The following WWOX variants were observed in gnomAD, a reference collection of about 807,000 sequenced individuals.
The protein encoded by WWOX is WW domain containing oxidoreductase.
A neutral mutation model predicts 46.2 loss-of-function variants in WWOX; 69 were observed. The ratio of observed to expected loss-of-function variants is 1.49; its 90% CI spans 1.23 to 1.82. The LOEUF is 1.82. WWOX is among the 40% of genes most tolerant of loss of function. The pLI is 0.00. For synonymous variants in WWOX, 359 were observed against 202.6 expected (o/e 1.77, Z -6.56); for missense variants, 919 against 542.6 (o/e 1.69, Z -6.89).
intron 5 of WWOX, among the ~76,000 whole-genome samples, chr16:78,233,978 C>G (rs901082568): frequency 6.6e-6 from 1 of 152,188 alleles, no homozygotes; most frequent in Non-Finnish European, 1.5e-5. Flanking sequence ...GTAACCTGCT[C>G]TCTTCCATTC....
At chr16:78,842,926 A>C (rs2052199627) in intron 8 of WWOX, among the ~76,000 whole-genome samples, 2 of 150,014 alleles carry the variant, frequency 1.3e-5, no homozygotes, top group Admixed American at 6.7e-5. Context: ...AAAAGAAAGA[A>C]ATATGGAAAG....
intron 8 of WWOX, among the ~76,000 whole-genome samples, chr16:78,541,906 A>G (rs1330081894): frequency 1.3e-5 from 2 of 151,346 alleles, no homozygotes; most frequent in African/African-American, 4.9e-5. Flanking sequence ...AAAAAATAAA[A>G]GTTAAATTTG....
intron 8 of WWOX, among the ~76,000 whole-genome samples, chr16:78,499,852 C>T (rs1025442207): frequency 2.0e-5 from 3 of 152,152 alleles, no homozygotes; most frequent in African/African-American, 7.2e-5. Context: ...GAATTTCATG[C>T]CATGGACCCC....
At chr16:78,483,630 C>T (rs2084552583) in intron 8 of WWOX, among the ~76,000 whole-genome samples, 1 of 152,080 alleles carries the variant, frequency 6.6e-6, no homozygotes, top group African/African-American at 2.4e-5. Flanking sequence ...ATACTGTGGG[C>T]TGCATCGCTT....
chr16:78,291,487 G>A (rs994515569), intron 5 of WWOX, among the ~76,000 whole-genome samples: 1 of 152,160 alleles, frequency 6.6e-6, no homozygotes, highest in East Asian at 1.9e-4. Context: ...GCTGGCTGGC[G>A]GCTGCCATTC....
intron 6 of WWOX, among the ~76,000 whole-genome samples, chr16:78,424,498 A>C (rs1462614859): frequency 6.6e-6 from 1 of 152,184 alleles, no homozygotes; most frequent in Non-Finnish European, 1.5e-5. Flanking sequence ...TTTACAGACA[A>C]AGTGAGACTT....
chr16:78,553,936 G>A (rs1281450026), intron 8 of WWOX, among the ~76,000 whole-genome samples: 8 of 152,206 alleles, frequency 5.3e-5, no homozygotes, highest in Non-Finnish European at 1.0e-4. Flanking sequence ...GAAAAGTGTA[G>A]AAAGGTCGGG....
chr16:78,626,038 C>G (rs1200628965), intron 8 of WWOX, among the ~76,000 whole-genome samples: 1 of 151,498 alleles, frequency 6.6e-6, no homozygotes, highest in Non-Finnish European at 1.5e-5. Flanking sequence ...AACTAAAGTC[C>G]ATCGTTTATC....
intron 5 of WWOX, among the ~76,000 whole-genome samples, chr16:78,380,720 A>G (rs2081936909): frequency 6.6e-6 from 1 of 152,156 alleles, no homozygotes; most frequent in African/African-American, 2.4e-5. Context: ...ACTTCCCGAT[A>G]GGGCAGGTGC....
intron 8 of WWOX, among the ~76,000 whole-genome samples, chr16:78,478,788 C>T (rs1279513774): frequency 1.3e-5 from 2 of 152,176 alleles, no homozygotes; most frequent in Non-Finnish European, 2.9e-5. Context: ...ACAGCTGGTT[C>T]TGGTGGTGAG....
At chr16:78,985,689 A>C (rs946517967) in intron 8 of WWOX, among the ~76,000 whole-genome samples, 7 of 152,204 alleles carry the variant, frequency 4.6e-5, no homozygotes, top group African/African-American at 1.7e-4. Flanking sequence ...GAATTGCTTG[A>C]ATCCAAGAGA....
chr16:78,734,021 C>A (rs1301181224), intron 8 of WWOX, among the ~76,000 whole-genome samples: 1 of 151,860 alleles, frequency 6.6e-6, no homozygotes, highest in Non-Finnish European at 1.5e-5. Flanking sequence ...GATCATGCCA[C>A]TGCACTGTAG....
chr16:78,327,747 T>C (rs2080660278), intron 5 of WWOX, among the ~76,000 whole-genome samples: 1 of 152,106 alleles, frequency 6.6e-6, no homozygotes, highest in Non-Finnish European at 1.5e-5. Context: ...CCCCCGACCA[T>C]GGCTATATTA....
rs193102908 is a variant in WWOX at position 78,643,111 on chromosome 16, C to T, written c.1056+210359C>T. On this transcript the variant is annotated intron_variant, in intron 8 of 8. Coordinates refer to ENST00000566780, the MANE Select transcript of WWOX (RefSeq NM_016373.4). ...AGGTGCTCTCCATTGTTTACCTGAA[C>T]AGGCAGAAAAGCTCTATGCAGCTAT... 9.9e-5 allele frequency among the ~76,000 whole-genome samples: 15 copies of T among 152,264 alleles called. 1 individual carries two copies. Among genetic ancestry groups the T allele is most frequent in the Admixed American group, 9.2e-4 (14 of 15,294 alleles).
intron 8 of WWOX, among the ~76,000 whole-genome samples, chr16:78,646,186 G>C (rs918807325): frequency 4.6e-5 from 7 of 152,116 alleles, no homozygotes; most frequent in African/African-American, 1.4e-4. Context: ...TTTTGATTTT[G>C]ATTTGGTTGT....
chr16:79,162,347 G>T (rs1010411042), intron 8 of WWOX, among the ~76,000 whole-genome samples: 1 of 152,130 alleles, frequency 6.6e-6, no homozygotes, highest in Non-Finnish European at 1.5e-5. Context: ...TTGGAGTTAA[G>T]GCCACGCAGA....
At chr16:78,981,998 G>C (rs1221419261) in intron 8 of WWOX, among the ~76,000 whole-genome samples, 1 of 152,164 alleles carries the variant, frequency 6.6e-6, no homozygotes, top group Non-Finnish European at 1.5e-5. Context: ...TTGACTGGCA[G>C]AATCTCAGTT....
At chr16:78,492,499 A>G (rs891201283) in intron 8 of WWOX, among the ~76,000 whole-genome samples, 1 of 152,048 alleles carries the variant, frequency 6.6e-6, no homozygotes, top group Non-Finnish European at 1.5e-5. Context: ...CGTACAGAAC[A>G]CTCATTCATC....
intron 5 of WWOX, among the ~76,000 whole-genome samples, chr16:78,318,485 T>C (rs1269264773): frequency 6.6e-6 from 1 of 152,126 alleles, no homozygotes; most frequent in African/African-American, 2.4e-5. Context: ...TTGTGGTCCA[T>C]ATATTTGGTT....
Sources: allele counts gnomAD v4.1 joint callset (sites outside exome capture counted in the v4.1 genomes callset), GRCh38; gene constraint gnomAD v4.1.1; transcripts MANE v1.5; gene names NCBI Gene and HGNC (gene_info 2026-07-23, HGNC 2026-07-21).